Variants in CFDP1 observed in about 807,000 individuals in gnomAD.
CFDP1 encodes heterochromatin-stabilizing protein CFDP1.
CFDP1 carries 31 observed loss-of-function variants against 40.1 expected under a neutral mutation model. The observed-to-expected ratio is 0.77, with a 90% confidence interval of 0.58 to 1.04. The LOEUF is 1.04. Among genes scored for constraint, CFDP1 ranks in the 50% least tolerant of loss-of-function variants. The pLI, the probability that CFDP1 is intolerant of heterozygous loss-of-function variation, is 0.00. For missense variants in CFDP1, 423 were observed against 343.4 expected, an observed-to-expected ratio of 1.23 and a Z score of -1.83; for synonymous variants, 167 against 120.0, an observed-to-expected ratio of 1.39 and a Z score of -2.56.
rs530843400 is a variant in CFDP1 at position 75,375,520 on chromosome 16, G to A, written c.650+19570C>T. On this transcript the variant is annotated intron_variant, in intron 5 of 6. Transcript: ENST00000283882. ...AAAAAAGACTGACAAGGCTGGGCGC[G>A]GTGGCTCATGCCTGTAATCCCAGCA... Among the ~76,000 whole-genome samples the A allele has an allele frequency of 3.3e-5, 5 of 152,188 alleles. No homozygotes were observed. In the South Asian group the frequency reaches 8.3e-4, roughly 25 times the overall value.
At chr16:75,393,729 C>T (rs1019325476) in intron 5 of CFDP1, among the ~76,000 whole-genome samples, 2 of 90,348 alleles carry the variant, frequency 2.2e-5, no homozygotes, top group African/African-American at 4.8e-5. Context: ...CAGAGCGAGA[C>T]TCCGTCGCAA....
chr16:75,410,908 C>CA (rs74355496), intron 4 of CFDP1, among the ~76,000 whole-genome samples: 14,573 of 62,008 alleles, frequency 0.24, 1,456 homozygotes, highest in Non-Finnish European at 0.28. Context: ...GACTCTGTCT[C>CA]AAAAAAAAAA....
At chr16:75,430,120 A>C (rs888459091) in intron 1 of CFDP1, among the ~76,000 whole-genome samples, 10 of 152,302 alleles carry the variant, frequency 6.6e-5, no homozygotes, top group African/African-American at 2.4e-4. Context: ...CTAAACAGAA[A>C]GGAATGTCTG....
intron 1 of CFDP1, among the ~76,000 whole-genome samples, chr16:75,425,762 G>A (rs11644639): frequency 0.5 from 75,037 of 151,578 alleles, 20,062 homozygotes; most frequent in Admixed American, 0.63. Flanking sequence ...GGCCGGGCAC[G>A]GTGGCTCACT....
At chr16:75,295,965 C>T (rs1208968191) in intron 6 of CFDP1, among the ~76,000 whole-genome samples, 1 of 152,194 alleles carries the variant, frequency 6.6e-6, no homozygotes, top group Non-Finnish European at 1.5e-5. Context: ...TTCACTACAA[C>T]TGGTCATCTT....
At chr16:75,433,178 G>GC (rs3833048) in intron 1 of CFDP1, 111 bp downstream of exon 1, 529,661 of 952,226 alleles carry the variant, frequency 0.56, 151,754 homozygotes, top group Admixed American at 0.67. Context: ...GAGAACAGGA[G>GC]CCCCCCTGGA....
chr16:75,301,518 A>ATTAGAGTTTTG (rs370131867), intron 6 of CFDP1, among the ~76,000 whole-genome samples: 8 of 119,184 alleles, frequency 6.7e-5, no homozygotes, highest in African/African-American at 2.7e-4. Flanking sequence ...TTTTCTCAAC[A>ATTAGAGTTTTG]TTAGAGTTTT....
In CFDP1 at chr16:75,433,269, C is replaced by A. The variant is rs767935736; in HGVS notation, c.64+20G>T. 1.4e-5 allele frequency: 23 copies of A among 1,588,184 alleles called. No homozygotes were observed. The highest frequency in any genetic ancestry group is 1.9e-5 in the Non-Finnish European group (22 of 1,169,748). On this transcript the variant is annotated intron_variant, in intron 1 of 6. Coordinates refer to ENST00000283882, the MANE Select transcript of CFDP1 (RefSeq NM_006324.3). The stretch of plus-strand genomic sequence containing the variant: ...GTGGGGCGGGGCAATTCGCTTCTCG[C>A]CTCAGGCGGAATCGCTCACCCGACG...
Position 75,414,892 on chromosome 16 carries a change from A to C in CFDP1, c.65-197T>G, listed in dbSNP as rs558767089. On this transcript the variant is annotated intron_variant, in intron 1 of 6. Coordinates refer to ENST00000283882, the MANE Select transcript of CFDP1 (RefSeq NM_006324.3). ...CCTGAAGACTACCCTACGTTCTTCT[A>C]TCGTAGGCTTCCATGGCAGTCTCTA... is the stretch of plus-strand genomic sequence containing the variant. 4.6e-5 allele frequency among the ~76,000 whole-genome samples: 7 copies of C among 152,188 alleles called. No homozygotes were observed. The South Asian group carries it at 1.4e-3, about 32-fold the overall frequency.
rs1174084584 is a variant in CFDP1, at chr16:75,401,124, C to T, written c.531-5915G>A. On this transcript the variant is annotated intron_variant, in intron 4 of 6. Transcript: ENST00000283882. ...GCCTGGCAACATGGTGAAACCCTGT[C>T]TCTATTAAGAAATACAAAAATTGGC... Among the ~76,000 whole-genome samples the T allele has an allele frequency of 2.0e-5, 3 of 151,310 alleles. No individual in the cohort carries two copies. The East Asian group carries it at 5.8e-4, about 29-fold the overall frequency.
rs184626034 is a variant in CFDP1, at chr16:75,343,176, T to C, written c.651-37994A>G. ...CCTCAGAAAAATGGAAAAAAGTCCC[T>C]GGGCTAAACTGCAAGGCTCTACTAC... is the stretch of plus-strand genomic sequence containing the variant. On this transcript the variant is annotated intron_variant, in intron 5 of 6. Coordinates refer to ENST00000283882, the MANE Select transcript of CFDP1 (RefSeq NM_006324.3). Among the ~76,000 whole-genome samples, 454 of 152,310 alleles carry C rather than the reference T, an allele frequency of 3.0e-3. 7 individuals carry two copies. The highest frequency in any genetic ancestry group is 0.026 in the Admixed American group (391 of 15,286).
intron 5 of CFDP1, among the ~76,000 whole-genome samples, chr16:75,323,257 C>T (rs181884791): frequency 1.7e-4 from 25 of 151,424 alleles, no homozygotes; most frequent in Admixed American, 1.6e-3. Context: ...CAAACACACA[C>T]ATTAGTCCAG....
At chr16:75,344,852 A>G (rs1439220852) in intron 5 of CFDP1, among the ~76,000 whole-genome samples, 1 of 152,160 alleles carries the variant, frequency 6.6e-6, no homozygotes, top group African/African-American at 2.4e-5. Context: ...GAATCACTTG[A>G]ACCCAGGAAG....
In CFDP1 at chr16:75,345,263, C is replaced by T. The variant is rs768863759; in HGVS notation, c.651-40081G>A. Among the ~76,000 whole-genome samples, 48 of 152,118 alleles carry T rather than the reference C, an allele frequency of 3.2e-4. 1 individual carries two copies. Among genetic ancestry groups the T allele is most frequent in the South Asian group, 1.0e-3 (5 of 4,798 alleles). On this transcript the variant is annotated intron_variant, in intron 5 of 6. Coordinates refer to ENST00000283882, the MANE Select transcript of CFDP1 (RefSeq NM_006324.3). The stretch of plus-strand genomic sequence containing the variant: ...CTTAAGGTCAGGAGTTTGAGACCAG[C>T]CTGGCCACCATAGCAAAACCCTGTC...
At chr16:75,429,790 AT>A (rs1842199736) in intron 1 of CFDP1, among the ~76,000 whole-genome samples, 1 of 152,222 alleles carries the variant, frequency 6.6e-6, no homozygotes, top group Non-Finnish European at 1.5e-5. Context: ...GATTTATACA[AT>A]TCTAAAAGTT....
At chr16:75,298,770 G>A (rs2078201955) in intron 6 of CFDP1, among the ~76,000 whole-genome samples, 1 of 152,158 alleles carries the variant, frequency 6.6e-6, no homozygotes, top group Non-Finnish European at 1.5e-5. Context: ...TTCTAATTAA[G>A]TTTCTTCTCC....
Position 75,412,364 on chromosome 16 carries a change from T to C in CFDP1, c.402+171A>G, listed in dbSNP as rs117067786. Among the ~76,000 whole-genome samples the C allele has an allele frequency of 1.4e-3, 216 of 152,322 alleles. 6 individuals are homozygous for C. The East Asian group carries it at 0.038, about 27-fold the overall frequency. ...TCATCTCTAACCAGTTAAAGGCCTA[T>C]TGGAAACTTACATGATTAGAGAAGC... On this transcript the variant is annotated intron_variant, in intron 3 of 6. Transcript: ENST00000283882.
intron 4 of CFDP1, chr16:75,409,387 A>G (rs1447538930): frequency 1.3e-5 from 2 of 152,210 alleles, no homozygotes; most frequent in Non-Finnish European, 2.9e-5. Flanking sequence ...GGCCCCAGTT[A>G]TACACACACA....
Position 75,388,961 on chromosome 16 carries a change from C to T in CFDP1, c.650+6129G>A, listed in dbSNP as rs139257803. ...CACTCCATAGATCAAGAAAACAAGG[C>T]TAAAACTACATGGGAAAATGATGTC... On this transcript the variant is annotated intron_variant, in intron 5 of 6. Coordinates refer to ENST00000283882, the MANE Select transcript of CFDP1 (RefSeq NM_006324.3). Among the ~76,000 whole-genome samples the T allele has an allele frequency of 6.6e-5, 10 of 150,770 alleles. No homozygotes were observed. In the East Asian group the frequency reaches 1.9e-3, roughly 29 times the overall value.
Sources: allele counts gnomAD v4.1 joint callset (sites outside exome capture counted in the v4.1 genomes callset), GRCh38; gene constraint gnomAD v4.1.1; transcripts MANE v1.5; gene names NCBI Gene and HGNC (gene_info 2026-07-23, HGNC 2026-07-21).